The following PCDHGA3 variants were observed in gnomAD, a reference collection of about 807,000 sequenced individuals.
PCDHGA3 encodes the protein protocadherin gamma-A3.
PCDHGA3 carries 40 observed loss-of-function variants against 58.5 expected under a neutral mutation model. The observed-to-expected ratio is 0.68, with a 90% confidence interval of 0.53 to 0.89. PCDHGA3 has a LOEUF of 0.89. PCDHGA3 is among the 40% of genes least tolerant of loss of function. PCDHGA3 has a pLI of 0.00. For missense variants in PCDHGA3, 1,223 were observed against 1,195.9 expected (o/e 1.02, Z -0.33); for synonymous variants, 530 against 525.7 (o/e 1.01, Z -0.11).
intron 1 of PCDHGA3, chr5:141,357,046 C>T: frequency 6.2e-7 from 1 of 1,614,054 alleles, no homozygotes; most frequent in Non-Finnish European, 8.5e-7. Context: ...CGAGCCGGGA[C>T]TATTTGCAGT....
chr5:141,427,391 A>G (rs942653386), intron 1 of PCDHGA3: 3 of 459,818 alleles, frequency 6.5e-6, no homozygotes, highest in Non-Finnish European at 1.3e-5. Context: ...TGTTCAAAAC[A>G]CATGATAAAG....
Position 141,511,409 on chromosome 5 carries a change from G to C in PCDHGA3, c.*236G>C, listed in dbSNP as rs999907393. On this transcript the variant is annotated 3_prime_UTR_variant, in exon 4 of 4. Coordinates refer to ENST00000253812, the MANE Select transcript of PCDHGA3 (RefSeq NM_018916.4). Reference sequence around the variant, plus strand: ...GGGAACCCCCATCCAATCAACTGCTGTACCCATGGGGGTAGTGGGGTTACT... The same window carrying C: ...GGGAACCCCCATCCAATCAACTGCTCTACCCATGGGGGTAGTGGGGTTACT... The C allele has an allele frequency of 1.1e-6, 1 of 908,516 alleles. No homozygotes were observed. The highest frequency in any genetic ancestry group is 1.7e-5 in the African/African-American group (1 of 59,504). The allele number at this position is 908,516 out of a possible 1,614,324, so 56.3% of individuals were successfully genotyped here.
chr5:141,390,965 A>G (rs2092279401), intron 1 of PCDHGA3: 1 of 152,252 alleles, frequency 6.6e-6, no homozygotes, highest in Admixed American at 6.5e-5. Context: ...TACTTGTAAC[A>G]TAGGAGTTTC....
chr5:141,370,011 A>G (rs1234949612), intron 1 of PCDHGA3, among the ~76,000 whole-genome samples: 2 of 152,266 alleles, frequency 1.3e-5, no homozygotes, highest in African/African-American at 4.8e-5. Flanking sequence ...TAAAAGAAAT[A>G]ACAGACTAAA....
intron 1 of PCDHGA3, chr5:141,441,945 G>A: frequency 3.0e-6 from 1 of 333,884 alleles, no homozygotes; most frequent in Non-Finnish European, 5.8e-6. Flanking sequence ...ACCACGTGCT[G>A]CAGGCCAGCA....
At chr5:141,371,243 T>C in intron 1 of PCDHGA3, 1 of 1,614,002 alleles carries the variant, frequency 6.2e-7, no homozygotes. Flanking sequence ...CCTTCATCAA[T>C]ATTGGCAAGG....
Position 141,489,273 on chromosome 5 carries a change from G to GA in PCDHGA3, c.2425-5531dup. The GA allele has an allele frequency of 6.4e-7, 1 of 1,555,870 alleles. No individual in the cohort carries two copies. The highest frequency in any genetic ancestry group is 2.2e-5 in the East Asian group (1 of 44,466). On this transcript the variant is annotated intron_variant, in intron 1 of 3. Coordinates refer to ENST00000253812, the MANE Select transcript of PCDHGA3 (RefSeq NM_018916.4). The surrounding 1 kb of genome is among the most constrained non-coding windows in gnomAD (Gnocchi z 4.5). ...CCAAGACACTCCCACAGCTCGCTGG[G>GA]AAATGGCAAGTGCTGTGCATGTTGT...
At position 141,419,228 on chromosome 5, in the gene PCDHGA3, T is replaced by G. The variant is rs761014077; in HGVS notation, c.2424+72771T>G. The G allele has an allele frequency of 2.5e-6, 4 of 1,613,874 alleles. No individual in the cohort carries two copies. The East Asian group carries it at 8.9e-5, about 36-fold the overall frequency. On this transcript the variant is annotated intron_variant, in intron 1 of 3. Coordinates refer to ENST00000253812, the MANE Select transcript of PCDHGA3 (RefSeq NM_018916.4). Reference sequence around the variant, plus strand: ...CGCGCCGGTTTTCGGACAGTCAGCCTACCTGGTCCACGTGCCAGAAAACAA... The same window carrying G: ...CGCGCCGGTTTTCGGACAGTCAGCCGACCTGGTCCACGTGCCAGAAAACAA...
chr5:141,490,380 T>A lies in PCDHGA3; in HGVS notation c.2425-4427T>A. On this transcript the variant is annotated intron_variant, in intron 1 of 3. Coordinates refer to ENST00000253812, the MANE Select transcript of PCDHGA3 (RefSeq NM_018916.4). The surrounding 1 kb of genome is among the most constrained non-coding windows in gnomAD (Gnocchi z 5.4). ...TTAATGTGCGAGACCGGGACTCAGG[T>A]AGAAATGGTGAAGTGAGCCTTGATA... 6.2e-7 allele frequency: 1 copy of A among 1,614,204 alleles called. No homozygotes were observed. The highest frequency in any genetic ancestry group is 1.7e-5 in the Admixed American group (1 of 60,026).
rs751243167 is a variant in PCDHGA3, at chr5:141,361,306, A to G, written c.2424+14849A>G. 2.5e-6 allele frequency: 4 copies of G among 1,613,858 alleles called. No homozygotes were observed. In the Admixed American group the frequency reaches 6.7e-5, roughly 27 times the overall value. ...TTACTGCCAAGTGTTGGGAAATGCC[A>G]AGTTTATTTTGAAATCTTCCTCAAA... On this transcript the variant is annotated intron_variant, in intron 1 of 3. Coordinates refer to ENST00000253812, the MANE Select transcript of PCDHGA3 (RefSeq NM_018916.4).
chr5:141,502,661 T>G (rs1440361647), intron 2 of PCDHGA3, among the ~76,000 whole-genome samples: 1 of 152,240 alleles, frequency 6.6e-6, no homozygotes. Flanking sequence ...CAACCCTTCA[T>G]GCAATTTTAG....
At chr5:141,373,411 T>C (rs1045675973) in intron 1 of PCDHGA3, among the ~76,000 whole-genome samples, 3 of 152,242 alleles carry the variant, frequency 2.0e-5, no homozygotes, top group Non-Finnish European at 2.9e-5. Flanking sequence ...TAGTCCCAGC[T>C]ACTCGGGAGG....
chr5:141,391,134 C>T (rs2092305385), intron 1 of PCDHGA3: 1 of 152,118 alleles, frequency 6.6e-6, no homozygotes, highest in African/African-American at 2.4e-5. Context: ...TAATCATTCT[C>T]CTACCTCTAG....
chr5:141,498,919 CG>C (rs2099786825), intron 2 of PCDHGA3, among the ~76,000 whole-genome samples: 1 of 122,240 alleles, frequency 8.2e-6, no homozygotes, highest in African/African-American at 3.1e-5. Context: ...GGTGACAGAG[CG>C]AGACTCCATC....
intron 1 of PCDHGA3, chr5:141,415,563 T>G: frequency 1.2e-6 from 2 of 1,614,168 alleles, no homozygotes; most frequent in Non-Finnish European, 1.7e-6. Flanking sequence ...ATCCTTTGTC[T>G]TTGTTAGATG....
intron 1 of PCDHGA3, among the ~76,000 whole-genome samples, chr5:141,407,652 A>G (rs2094964200): frequency 6.6e-6 from 1 of 152,020 alleles, no homozygotes; most frequent in Non-Finnish European, 1.5e-5. Flanking sequence ...ATAATGGGGG[A>G]GCGCAGTATA....
intron 1 of PCDHGA3, chr5:141,408,110 T>G: frequency 2.8e-6 from 4 of 1,445,204 alleles, no homozygotes; most frequent in Non-Finnish European, 2.7e-6. Context: ...GACCCGGGAC[T>G]CCTCCTGTCC....
chr5:141,388,477 C>A (rs371333912), intron 1 of PCDHGA3: 34 of 1,613,702 alleles, frequency 2.1e-5, no homozygotes, highest in Non-Finnish European at 2.9e-5. Flanking sequence ...GTATTGAAGA[C>A]ACCTTTGGAC....
intron 1 of PCDHGA3, chr5:141,407,952 G>A (rs1235192174): frequency 2.7e-5 from 17 of 633,328 alleles, no homozygotes; most frequent in Admixed American, 1.4e-4. Context: ...CTGTCGGCCA[G>A]TGCAGAGCAA....
Sources: allele counts gnomAD v4.1 joint callset (sites outside exome capture counted in the v4.1 genomes callset), GRCh38; gene constraint gnomAD v4.1.1; non-coding constraint Gnocchi (gnomAD v3.1); transcripts MANE v1.5; gene names NCBI Gene and HGNC (gene_info 2026-07-23, HGNC 2026-07-21).